OSBPL6: variants seen among roughly 807,000 people sequenced by gnomAD.
The protein encoded by OSBPL6 is oxysterol binding protein like 6.
OSBPL6 carries 49 observed loss-of-function variants against 125.8 expected under a neutral mutation model. That is an observed-to-expected ratio of 0.39 (90% CI 0.31 to 0.49). The LOEUF is 0.49. Ranked by LOEUF, OSBPL6 falls within the 20% of genes least tolerant of loss-of-function variation. The probability of loss-of-function intolerance (pLI) is 0.88; values close to 1 mark genes in which losing one functional copy is unlikely to be tolerated. For missense variants in OSBPL6, 986 were observed against 1,135.4 expected (o/e 0.87, Z 1.89); for synonymous variants, 394 against 391.8 (o/e 1.01, Z -0.07).
intron 12 of OSBPL6, among the ~76,000 whole-genome samples, chr2:178,350,002 G>A (rs1475699079): frequency 2.0e-5 from 3 of 152,224 alleles, no homozygotes; most frequent in Non-Finnish European, 4.4e-5. Context: ...GAGCCTGGTA[G>A]TGGAAGCTGC....
chr2:178,318,023 T>C (rs933966907), intron 3 of OSBPL6, among the ~76,000 whole-genome samples: 4 of 152,194 alleles, frequency 2.6e-5, no homozygotes, highest in African/African-American at 4.8e-5. Flanking sequence ...TCTGATTTAG[T>C]TATGCTGTTG....
intron 1 of OSBPL6, among the ~76,000 whole-genome samples, chr2:178,280,480 G>C (rs116012295): frequency 6.6e-6 from 1 of 152,060 alleles, no homozygotes; most frequent in South Asian, 2.1e-4. Flanking sequence ...AGGTTATAGC[G>C]GGTACTACAC....
At chr2:178,232,185 A>G (rs1439307598) in intron 1 of OSBPL6, among the ~76,000 whole-genome samples, 1 of 152,140 alleles carries the variant, frequency 6.6e-6, no homozygotes, top group African/African-American at 2.4e-5. Flanking sequence ...TTATTCTAGA[A>G]TCTGGTCTAA....
At chr2:178,358,788 T>A (rs1692055228) in intron 12 of OSBPL6, among the ~76,000 whole-genome samples, 1 of 151,980 alleles carries the variant, frequency 6.6e-6, no homozygotes, top group Admixed American at 6.6e-5. Flanking sequence ...TGTAAATTTT[T>A]AAAAATAAGC....
At chr2:178,300,607 T>C (rs1370545182) in intron 2 of OSBPL6, among the ~76,000 whole-genome samples, 2 of 152,204 alleles carry the variant, frequency 1.3e-5, no homozygotes, top group African/African-American at 4.8e-5. Context: ...ATCACAGGCG[T>C]GTGTCACCAT....
At chr2:178,339,894 TTACATTATCTAAAA>T (rs1463248467) in intron 11 of OSBPL6, 130 bp downstream of exon 11, 2 of 517,954 alleles carry the variant, frequency 3.9e-6, no homozygotes, top group East Asian at 6.7e-5. Flanking sequence ...TTTCAAACTG[TTACATTATCTAAAA>T]TAGTGGAAAA....
At chr2:178,326,905 T>TC (rs989067278) in intron 4 of OSBPL6, among the ~76,000 whole-genome samples, 14 of 150,712 alleles carry the variant, frequency 9.3e-5, no homozygotes, top group African/African-American at 1.5e-4. Context: ...TATCTCTTTT[T>TC]CCCCCCCTTC....
In OSBPL6 at chr2:178,329,568, G is replaced by A. The variant is rs186752277; in HGVS notation, c.318+1190G>A. ...AGAGTAGCTGGGACTACAGGCGCAC[G>A]CCACCACGCTTGGCTAATTTTTTTT... On this transcript the variant is annotated intron_variant, in intron 5 of 24. Transcript: ENST00000190611. 2.6e-3 allele frequency among the ~76,000 whole-genome samples: 388 copies of A among 151,940 alleles called. 3 individuals are homozygous for A. Among genetic ancestry groups the A allele is most frequent in the African/African-American group, 8.4e-3 (350 of 41,458 alleles).
chr2:178,302,515 A>G (rs909529719), intron 2 of OSBPL6, among the ~76,000 whole-genome samples: 2 of 152,188 alleles, frequency 1.3e-5, no homozygotes, highest in Non-Finnish European at 2.9e-5. Flanking sequence ...CAAACACTTG[A>G]TTGAAAATTG....
chr2:178,338,950 T>A (rs770491909), intron 9 of OSBPL6, 41 bp from the exon 10 acceptor site: 5 of 1,453,090 alleles, frequency 3.4e-6, no homozygotes, highest in Non-Finnish European at 4.8e-6. Flanking sequence ...CACCGCTCCC[T>A]ACCCAATTTT....
At chr2:178,224,025 G>T (rs1247390938) in intron 1 of OSBPL6, among the ~76,000 whole-genome samples, 8 of 152,192 alleles carry the variant, frequency 5.3e-5, no homozygotes, top group Admixed American at 4.6e-4. Flanking sequence ...ATGCCCCAAG[G>T]ATAGCCCAAT....
In OSBPL6 at chr2:178,320,217, A is replaced by T. The variant is rs534026691; in HGVS notation, c.103-3960A>T. 1.0e-4 allele frequency: 158 copies of T among 1,553,028 alleles called. No individual in the cohort carries two copies. In the South Asian group the frequency reaches 1.8e-3, roughly 17 times the overall value. On this transcript the variant is annotated intron_variant, in intron 3 of 24. Coordinates refer to ENST00000190611, the MANE Select transcript of OSBPL6 (RefSeq NM_032523.4). The stretch of plus-strand genomic sequence containing the variant: ...TTTACCTATGTCTTTGATACCAAGT[A>T]AACTAGACTACAGTCATGTTGGCAC...
chr2:178,338,155 A>T (rs1345792599), intron 9 of OSBPL6, among the ~76,000 whole-genome samples: 1 of 150,884 alleles, frequency 6.6e-6, no homozygotes, highest in Non-Finnish European at 1.5e-5. Context: ...CTGGTCTTGA[A>T]CTCCTGACCT....
intron 11 of OSBPL6, among the ~76,000 whole-genome samples, chr2:178,348,180 A>G (rs901839090): frequency 3.9e-5 from 6 of 152,324 alleles, no homozygotes; most frequent in African/African-American, 1.2e-4. Context: ...TGACATACAT[A>G]TCCATCAGAA....
At chr2:178,281,629 A>G (rs1327959209) in intron 1 of OSBPL6, among the ~76,000 whole-genome samples, 1 of 152,106 alleles carries the variant, frequency 6.6e-6, no homozygotes, top group African/African-American at 2.4e-5. Context: ...ATGTGTCTGT[A>G]TTTGATCATG....
intron 1 of OSBPL6, among the ~76,000 whole-genome samples, chr2:178,246,066 C>T (rs1001032751): frequency 1.3e-5 from 2 of 152,216 alleles, no homozygotes; most frequent in Non-Finnish European, 2.9e-5. Context: ...CCATCAGTTA[C>T]ATCCTCTTGT....
rs1056486059 is a variant in OSBPL6 at position 178,249,023 on chromosome 2, A to G, written c.-350-35904A>G. ...GCCATCTCGGCTCACTGCAACCTCC[A>G]CCTCCCCGGTTCAAGTGATTCTCCT... On this transcript the variant is annotated intron_variant, in intron 1 of 24. Transcript: ENST00000190611. Among the ~76,000 whole-genome samples, 3 of 151,792 alleles carry G rather than the reference A, an allele frequency of 2.0e-5. No homozygotes were observed. The East Asian group carries it at 5.8e-4, about 29-fold the overall frequency.
chr2:178,306,428 G>A (rs1399345853), intron 3 of OSBPL6, 142 bp downstream of exon 3: 16 of 603,112 alleles, frequency 2.7e-5, no homozygotes, highest in South Asian at 1.2e-4. Context: ...CTGTAGGTAC[G>A]TTCATTGATG....
At chr2:178,354,863 A>AG (rs199783442) in intron 12 of OSBPL6, among the ~76,000 whole-genome samples, 38,978 of 152,002 alleles carry the variant, frequency 0.26, 5,275 homozygotes, top group Admixed American at 0.38. Flanking sequence ...CAAATGTAAA[A>AG]AACAGAAATC....
Sources: allele counts gnomAD v4.1 joint callset (sites outside exome capture counted in the v4.1 genomes callset), GRCh38; gene constraint gnomAD v4.1.1; transcripts MANE v1.5; gene names NCBI Gene and HGNC (gene_info 2026-07-23, HGNC 2026-07-21).